The following ZEB2 variants were observed in gnomAD, a reference collection of about 807,000 sequenced individuals.
ZEB2 encodes zinc finger E-box binding homeobox 2, also known as zinc finger E-box-binding homeobox 2.
ZEB2 carries 6 observed loss-of-function variants against 99.9 expected under a neutral mutation model. The ratio of observed to expected loss-of-function variants is 0.06; its 90% CI spans 0.03 to 0.12. ZEB2 has a LOEUF of 0.12. ZEB2 is among the 10% of genes least tolerant of loss of function. The pLI is 1.00. For synonymous variants in ZEB2, 517 were observed against 542.5 expected (o/e 0.95, Z 0.65); for missense variants, 969 against 1,502.8 (o/e 0.64, Z 5.87).
intron 2 of ZEB2, among the ~76,000 whole-genome samples, chr2:144,478,196 G>A (rs982845225): frequency 1.3e-5 from 2 of 152,152 alleles, no homozygotes; most frequent in African/African-American, 2.4e-5. Flanking sequence ...TATTCATGAC[G>A]GAGCAGTGAG....
rs1705170246 is a variant in ZEB2 at position 144,517,279 on chromosome 2, G to T, written c.72C>A (p.Asn24Lys). 6.2e-7 allele frequency: 1 copy of T among 1,613,342 alleles called. No individual in the cohort carries two copies. Among genetic ancestry groups the T allele is most frequent in the African/African-American group, 1.3e-5 (1 of 74,890 alleles). Residue 24 changes from asparagine (N) to lysine (K), a missense_variant and splice_region_variant, in exon 2 of 10, where the codon AAC becomes AAA. Physicochemically the swap from Asn to Lys is moderately conservative, Grantham distance 94 (BLOSUM62 0). Coordinates refer to ENST00000627532, the MANE Select transcript of ZEB2 (RefSeq NM_014795.4). The stretch of plus-strand genomic sequence containing the variant: ...AGTTTGGTTCGGGCTGCTTCTTACC[G>T]TTTTTCCTCCTGGGATTGGCTTGTT... ...RRKQANPRRK[N>K]VVNYDNVVDT...
chr2:144,401,176 G>T, intron 7 of ZEB2, 23 bp downstream of exon 7: 1 of 1,602,126 alleles, frequency 6.2e-7, no homozygotes, highest in Non-Finnish European at 8.6e-7. Flanking sequence ...GCAAATGCGA[G>T]CTCCAGCACC....
At chr2:144,514,701 C>G (rs932012509) in intron 2 of ZEB2, among the ~76,000 whole-genome samples, 4 of 152,160 alleles carry the variant, frequency 2.6e-5, no homozygotes, top group African/African-American at 7.2e-5. Flanking sequence ...AAAACACTTA[C>G]AATAACCAGT....
chr2:144,453,820 A>T (rs1400600109), intron 2 of ZEB2, among the ~76,000 whole-genome samples: 1 of 152,212 alleles, frequency 6.6e-6, no homozygotes, highest in Non-Finnish European at 1.5e-5. Flanking sequence ...ATTTTCAAAG[A>T]ACTATTCTTT....
rs745927130 is a variant in ZEB2 at position 144,398,565 on chromosome 2, A to T, written c.2622T>A (p.Asn874Lys). 7.4e-6 allele frequency: 12 copies of T among 1,614,026 alleles called. No individual in the cohort carries two copies. The East Asian group carries it at 2.7e-4, about 36-fold the overall frequency. Residue 874 changes from asparagine (N) to lysine (K), a missense_variant, in exon 8 of 10, where the codon AAT (asparagine) becomes AAA (lysine). Asn to Lys is a moderately conservative substitution (Grantham distance 94). This residue lies in a region of ZEB2 where 346 missense variants were observed against 460.0 expected (regional missense o/e 0.75). Transcript: ENST00000627532. ...FIKKEFSNSN[N>K]LDNKSTNPVF... ...CTGGGTTAGTGCTTTTGTTGTCCAG[A>T]TTATTTGAATTTGAAAATTCCTTCT...
chr2:144,447,416 C>G lies in ZEB2; in HGVS notation c.74-17390G>C, dbSNP rs137945200. Among the ~76,000 whole-genome samples, 123 of 152,240 alleles carry G rather than the reference C, an allele frequency of 8.1e-4. 1 individual carries two copies. The highest frequency in any genetic ancestry group is 1.7e-3 in the Admixed American group (26 of 15,298). ...TCTAACATGCCTATATATGTTCTTC[C>G]TTCCATCACTAGATTTTGTTGAGGG... On this transcript the variant is annotated intron_variant, in intron 2 of 9. Coordinates refer to ENST00000627532, the MANE Select transcript of ZEB2 (RefSeq NM_014795.4).
At chr2:144,451,911 G>A (rs1704059487) in intron 2 of ZEB2, among the ~76,000 whole-genome samples, 1 of 152,126 alleles carries the variant, frequency 6.6e-6, no homozygotes, top group African/African-American at 2.4e-5. Context: ...AGCTCATTTT[G>A]ATTAATTTCT....
At chr2:144,477,691 T>A (rs911192182) in intron 2 of ZEB2, among the ~76,000 whole-genome samples, 1 of 152,204 alleles carries the variant, frequency 6.6e-6, no homozygotes, top group Non-Finnish European at 1.5e-5. Flanking sequence ...CTGCTCCATT[T>A]CGTGTGAATA....
rs556143599 is a variant in ZEB2 at position 144,387,760 on chromosome 2, T to C, written c.*1691A>G. ...AAAGTAGAAATGTCTGTAAAGTAAATAGACTAAATTTGAATAATATAACCT... is the reference window on the plus strand; with the variant it reads ...AAAGTAGAAATGTCTGTAAAGTAAACAGACTAAATTTGAATAATATAACCT... On this transcript the variant is annotated 3_prime_UTR_variant, in exon 10 of 10. Transcript: ENST00000627532. 30 of 152,220 alleles carry C rather than the reference T, an allele frequency of 2.0e-4. No homozygotes were observed. Among genetic ancestry groups the C allele is most frequent in the Admixed American group, 7.2e-4 (11 of 15,294 alleles). 9.4% of individuals were successfully genotyped at this position (152,220 alleles called of 1,614,324 possible). A position where few individuals can be genotyped will look rare whatever the true frequency, so the allele number is the denominator to read the frequency against.
chr2:144,417,038 T>C (rs575136331), intron 4 of ZEB2, among the ~76,000 whole-genome samples: 1 of 152,354 alleles, frequency 6.6e-6, no homozygotes, highest in South Asian at 2.1e-4. Flanking sequence ...TTCGTATTCG[T>C]CTACCACTGT....
chr2:144,413,935 T>TA (rs1324022999), intron 4 of ZEB2, among the ~76,000 whole-genome samples: 1 of 152,120 alleles, frequency 6.6e-6, no homozygotes, highest in Non-Finnish European at 1.5e-5. Flanking sequence ...ATAGTGAAAG[T>TA]AAAAAAAGTT....
At chr2:144,439,135 A>G in intron 2 of ZEB2, among the ~76,000 whole-genome samples, 1 of 126,772 alleles carries the variant, frequency 7.9e-6, no homozygotes, top group Non-Finnish European at 1.7e-5. Flanking sequence ...GGGAGGAAGA[A>G]AAAAAAAAAA....
At chr2:144,510,095 A>G (rs1435179328) in intron 2 of ZEB2, among the ~76,000 whole-genome samples, 2 of 152,170 alleles carry the variant, frequency 1.3e-5, no homozygotes, top group Non-Finnish European at 2.9e-5. Context: ...CAGCCCTCAA[A>G]GCTTTTTAAA....
intron 2 of ZEB2, 109 bp downstream of exon 2, chr2:144,517,165 CCCTG>C: frequency 7.1e-7 from 1 of 1,408,896 alleles, no homozygotes; most frequent in Non-Finnish European, 9.9e-7. Context: ...CGCCCTAGAG[CCCTG>C]GGCGCCGCCG....
chr2:144,420,370 T>G (rs1369551765), intron 4 of ZEB2, among the ~76,000 whole-genome samples: 2 of 152,168 alleles, frequency 1.3e-5, no homozygotes, highest in Non-Finnish European at 2.9e-5. Context: ...GCTGAGATTA[T>G]GGGCCAGACC....
intron 2 of ZEB2, among the ~76,000 whole-genome samples, chr2:144,493,311 G>T (rs1231632329): frequency 6.6e-6 from 1 of 152,170 alleles, no homozygotes; most frequent in Non-Finnish European, 1.5e-5. Context: ...AGAATTTAGT[G>T]AGCGTTTTCT....
At chr2:144,419,343 G>C (rs529969052) in intron 4 of ZEB2, among the ~76,000 whole-genome samples, 1 of 152,304 alleles carries the variant, frequency 6.6e-6, no homozygotes, top group East Asian at 1.9e-4. Flanking sequence ...GCCTAAATTG[G>C]CCTTGCCCAG....
chr2:144,480,358 T>A (rs1462308623), intron 2 of ZEB2, among the ~76,000 whole-genome samples: 1 of 152,138 alleles, frequency 6.6e-6, no homozygotes, highest in East Asian at 1.9e-4. Context: ...TCTGTGAAGC[T>A]ACAGGGTACA....
At chr2:144,396,696 TA>T (rs1703234378) in intron 8 of ZEB2, 104 bp from the exon 9 acceptor site, 1 of 1,270,492 alleles carries the variant, frequency 7.9e-7, no homozygotes, top group Admixed American at 2.0e-5. Flanking sequence ...TGCTTGCTAC[TA>T]ATTGATTGAG....
Sources: gnomAD v4.1 joint callset for allele counts (sites outside exome capture counted in the v4.1 genomes callset) on GRCh38, gnomAD v4.1.1 for gene constraint, gnomAD v4.1.1 regional missense constraint, MANE v1.5 for transcripts, NCBI Gene and HGNC (gene_info 2026-07-23, HGNC 2026-07-21) for gene names.